MRC1: variants seen among roughly 807,000 people sequenced by gnomAD.
MRC1 encodes the protein macrophage mannose receptor 1.
In MRC1, 62 loss-of-function variants were observed where a neutral mutation model predicts 102.9. The observed-to-expected ratio is 0.60, with a 90% CI of 0.49 to 0.74. The LOEUF (loss-of-function observed/expected upper bound fraction) is 0.74, where lower values mean the gene tolerates loss of function less well. Ranked by LOEUF, MRC1 falls within the 30% of genes least tolerant of loss-of-function variation. MRC1 has a pLI of 0.00. For missense variants in MRC1, 1,237 were observed against 862.8 expected (o/e 1.43, Z -5.43); for synonymous variants, 457 against 298.4 (o/e 1.53, Z -5.48).
chr10:17,905,516 T>C (rs1302334312), intron 26 of MRC1, among the ~76,000 whole-genome samples: 2 of 151,756 alleles, frequency 1.3e-5, no homozygotes, highest in East Asian at 3.9e-4. Flanking sequence ...TTGCTAAGTA[T>C]TTTTTTTGAA....
At chr10:17,897,912 C>A in intron 23 of MRC1, 122 bp from the exon 24 acceptor site, 1 of 755,006 alleles carries the variant, frequency 1.3e-6, no homozygotes, top group Non-Finnish European at 2.5e-6. Context: ...TTTCTAACAG[C>A]TGAATGTTTG....
chr10:17,888,583 A>G (rs1276988671), intron 22 of MRC1, among the ~76,000 whole-genome samples: 1 of 152,144 alleles, frequency 6.6e-6, no homozygotes, highest in Non-Finnish European at 1.5e-5. Flanking sequence ...GAATTCTCCA[A>G]CTGTTACTGA....
intron 4 of MRC1, among the ~76,000 whole-genome samples, chr10:17,836,090 C>G (rs1838658188): frequency 6.6e-6 from 1 of 152,242 alleles, no homozygotes; most frequent in South Asian, 2.1e-4. Flanking sequence ...CTTTGGTGAC[C>G]TTGTCTGTTA....
chr10:17,859,312 T>C (rs1047984724), intron 9 of MRC1, among the ~76,000 whole-genome samples: 2 of 152,178 alleles, frequency 1.3e-5, no homozygotes, highest in Non-Finnish European at 2.9e-5. Flanking sequence ...TTTTCTCATA[T>C]GGCTTGTTGT....
At chr10:17,905,204 C>G (rs1362938391) in intron 26 of MRC1, among the ~76,000 whole-genome samples, 3 of 152,128 alleles carry the variant, frequency 2.0e-5, no homozygotes, top group Non-Finnish European at 4.4e-5. Flanking sequence ...GGTTGTGGGG[C>G]TGTTGGTTTT....
intron 3 of MRC1, among the ~76,000 whole-genome samples, chr10:17,830,719 A>G (rs1486162249): frequency 1.3e-5 from 2 of 151,312 alleles, no homozygotes; most frequent in African/African-American, 2.5e-5. Context: ...CAATCAGCAA[A>G]CCTAAACATT....
At chr10:17,825,078 C>G (rs1056684627) in intron 2 of MRC1, among the ~76,000 whole-genome samples, 7 of 151,946 alleles carry the variant, frequency 4.6e-5, no homozygotes, top group Non-Finnish European at 8.8e-5. Context: ...TTGCATACTC[C>G]CCAAAGATCT....
intron 1 of MRC1, among the ~76,000 whole-genome samples, chr10:17,815,363 G>A (rs1052632304): frequency 1.3e-5 from 2 of 152,328 alleles, no homozygotes; most frequent in African/African-American, 4.8e-5. Flanking sequence ...ATGCATGGAA[G>A]AAGAAAGAGC....
intron 15 of MRC1, among the ~76,000 whole-genome samples, chr10:17,872,428 A>C (rs941713775): frequency 6.6e-6 from 1 of 152,168 alleles, no homozygotes; most frequent in Non-Finnish European, 1.5e-5. Context: ...TGAGTGTCCT[A>C]TGCTGTCAAC....
Position 17,855,571 on chromosome 10 carries a change from C to CAAAAAAAAAA in MRC1, c.1408-654_1408-645dup, listed in dbSNP as rs35692453. Among the ~76,000 whole-genome samples, 15 of 42,094 alleles carry CAAAAAAAAAA rather than the reference C, an allele frequency of 3.6e-4. 1 individual carries two copies. Among genetic ancestry groups the CAAAAAAAAAA allele is most frequent in the Non-Finnish European group, 5.6e-4 (13 of 23,166 alleles). 27.6% of individuals were successfully genotyped at this position (42,094 alleles called of 152,430 possible). ...TGGGCAACAGAGCGAGACTCCGTCT[C>CAAAAAAAAAA]AAAAAAAAAAAAAAAAAAAAAAAAA... is the stretch of plus-strand genomic sequence containing the variant. On this transcript the variant is annotated intron_variant, in intron 8 of 29. Coordinates refer to ENST00000569591, the MANE Select transcript of MRC1 (RefSeq NM_002438.4).
chr10:17,845,034 A>G, intron 5 of MRC1: 1 of 731,686 alleles, frequency 1.4e-6, no homozygotes, highest in Admixed American at 1.7e-5. Context: ...ATAATGGGGG[A>G]AAGGGTTGTT....
intron 11 of MRC1, chr10:17,865,611 G>C (rs1312465879): frequency 6.6e-6 from 1 of 152,398 alleles, no homozygotes; most frequent in Non-Finnish European, 1.5e-5. Context: ...CAGGAGGAGT[G>C]GGCAAGGAGC....
At chr10:17,811,555 T>A (rs1269996931) in intron 1 of MRC1, among the ~76,000 whole-genome samples, 1 of 151,726 alleles carries the variant, frequency 6.6e-6, no homozygotes, top group Non-Finnish European at 1.5e-5. Flanking sequence ...CGTGAAAGCC[T>A]GTAATTTGTG....
chr10:17,874,304 C>T (rs951406922), intron 16 of MRC1, among the ~76,000 whole-genome samples: 1 of 152,194 alleles, frequency 6.6e-6, no homozygotes, highest in African/African-American at 2.4e-5. Flanking sequence ...ATGAACTCAT[C>T]AGCTCATGAC....
At chr10:17,814,120 T>C (rs1231908069) in intron 1 of MRC1, among the ~76,000 whole-genome samples, 3 of 152,166 alleles carry the variant, frequency 2.0e-5, no homozygotes, top group African/African-American at 7.2e-5. Flanking sequence ...GAAGATGTCA[T>C]TGTGCACCTT....
chr10:17,877,992 C>A, intron 18 of MRC1, 25 bp downstream of exon 18: 1 of 871,546 alleles, frequency 1.1e-6, no homozygotes, highest in Non-Finnish European at 2.0e-6. Flanking sequence ...CTAAAAACAA[C>A]TTTGCTTGGG....
intron 8 of MRC1, among the ~76,000 whole-genome samples, chr10:17,854,039 C>T (rs1401843642): frequency 6.6e-5 from 10 of 152,134 alleles, no homozygotes; most frequent in Admixed American, 6.5e-4. Flanking sequence ...GCAATCTCAG[C>T]TCATTGCAGT....
chr10:17,853,200 A>G (rs1358825061), intron 8 of MRC1, 76 bp downstream of exon 8: 11 of 768,556 alleles, frequency 1.4e-5, no homozygotes, highest in Admixed American at 8.6e-5. Flanking sequence ...TCAGTTACAT[A>G]TGTTTGTTTA....
At chr10:17,867,195 C>T (rs2130670156) in intron 12 of MRC1, among the ~76,000 whole-genome samples, 1 of 149,022 alleles carries the variant, frequency 6.7e-6, no homozygotes, top group East Asian at 2.0e-4. Context: ...TTCTCCCTTC[C>T]TCCTGTCTTC....
Sources: gnomAD v4.1 joint callset for allele counts (sites outside exome capture counted in the v4.1 genomes callset) on GRCh38, gnomAD v4.1.1 for gene constraint, MANE v1.5 for transcripts, NCBI Gene and HGNC (gene_info 2026-07-23, HGNC 2026-07-21) for gene names.